The following ANXA7 variants were observed in gnomAD, a reference collection of about 807,000 sequenced individuals.
ANXA7 encodes annexin A7.
ANXA7 carries 55 observed loss-of-function variants against 64.9 expected under a neutral mutation model. That is an observed-to-expected ratio of 0.85 (90% CI 0.68 to 1.06). The LOEUF is 1.06. Among genes scored for constraint, ANXA7 ranks in the 50% least tolerant of loss-of-function variants. The pLI is 0.00. For synonymous variants in ANXA7, 200 were observed against 192.4 expected (o/e 1.04, Z -0.33); for missense variants, 548 against 582.1 (o/e 0.94, Z 0.60).
At chr10:73,383,927 C>G (rs550013204) in intron 7 of ANXA7, among the ~76,000 whole-genome samples, 3 of 152,194 alleles carry the variant, frequency 2.0e-5, no homozygotes, top group African/African-American at 7.2e-5. Flanking sequence ...CAAGACCATC[C>G]TGGTTAACAC....
chr10:73,388,543 A>T (rs1206751960), intron 5 of ANXA7, 129 bp from the exon 6 acceptor site: 3 of 661,554 alleles, frequency 4.5e-6, no homozygotes, highest in Non-Finnish European at 7.9e-6. Flanking sequence ...CAAGGATATG[A>T]GCATTTTATT....
chr10:73,401,869 G>T (rs2055672786), intron 1 of ANXA7, among the ~76,000 whole-genome samples: 1 of 152,154 alleles, frequency 6.6e-6, no homozygotes, highest in Non-Finnish European at 1.5e-5. Flanking sequence ...GGACTTCCCA[G>T]CCTCCAGAAC....
chr10:73,376,017 T>C lies in ANXA7; in HGVS notation c.*78A>G, dbSNP rs1181838940. ...TCTTTCGGTTAGCTGATGTTTGATATTGCTGCATGCAGGTCATTGCTCTGA... is the reference window on the plus strand; with the variant it reads ...TCTTTCGGTTAGCTGATGTTTGATACTGCTGCATGCAGGTCATTGCTCTGA... On this transcript the variant is annotated 3_prime_UTR_variant, in exon 13 of 13. Coordinates refer to ENST00000372921, the MANE Select transcript of ANXA7 (RefSeq NM_001156.5). 38 of 1,240,316 alleles carry C rather than the reference T, an allele frequency of 3.1e-5. No homozygotes were observed. The highest frequency in any genetic ancestry group is 4.1e-5 in the Non-Finnish European group (38 of 925,086). 76.8% of individuals were successfully genotyped at this position (1,240,316 alleles called of 1,614,324 possible).
intron 1 of ANXA7, among the ~76,000 whole-genome samples, chr10:73,401,991 T>C (rs2055674259): frequency 1.3e-5 from 2 of 152,204 alleles, no homozygotes; most frequent in Non-Finnish European, 2.9e-5. Context: ...AATGGAAAAC[T>C]TCCAGTAGTT....
chr10:73,379,138 G>A (rs1342145633), intron 11 of ANXA7, 115 bp from the exon 12 acceptor site: 1 of 668,820 alleles, frequency 1.5e-6, no homozygotes, highest in African/African-American at 1.9e-5. Context: ...AATCATCACA[G>A]AAACATGGGG....
At chr10:73,405,323 A>G (rs1458900935) in intron 1 of ANXA7, among the ~76,000 whole-genome samples, 1 of 151,184 alleles carries the variant, frequency 6.6e-6, no homozygotes, top group African/African-American at 2.4e-5. Flanking sequence ...GGGCGGATCA[A>G]CTGAGGTCAG....
At chr10:73,389,339 A>G (rs2055430098) in intron 5 of ANXA7, among the ~76,000 whole-genome samples, 1 of 152,254 alleles carries the variant, frequency 6.6e-6, no homozygotes, top group Admixed American at 6.5e-5. Context: ...ACATGACAAT[A>G]AATACAACAT....
At chr10:73,405,939 G>A (rs898676460) in intron 1 of ANXA7, among the ~76,000 whole-genome samples, 3 of 151,576 alleles carry the variant, frequency 2.0e-5, no homozygotes, top group Non-Finnish European at 4.4e-5. Context: ...AGTATAGTAA[G>A]AAACCCAGTA....
intron 1 of ANXA7, among the ~76,000 whole-genome samples, chr10:73,409,521 A>G (rs923384576): frequency 1.3e-5 from 2 of 152,210 alleles, no homozygotes; most frequent in African/African-American, 4.8e-5. Context: ...GAAATCACAG[A>G]TGACATAAAT....
At chr10:73,390,762 T>G (rs925491513) in intron 5 of ANXA7, among the ~76,000 whole-genome samples, 4 of 148,456 alleles carry the variant, frequency 2.7e-5, no homozygotes, top group African/African-American at 9.9e-5. Flanking sequence ...ATATATTGAT[T>G]TCATATTTCA....
At chr10:73,408,528 T>C (rs2055792970) in intron 1 of ANXA7, 1 of 152,180 alleles carries the variant, frequency 6.6e-6, no homozygotes, top group Non-Finnish European at 1.5e-5. Flanking sequence ...ACAAGACCTA[T>C]ATCTAAATTC....
At chr10:73,406,948 G>C (rs1045884142) in intron 1 of ANXA7, among the ~76,000 whole-genome samples, 36 of 152,066 alleles carry the variant, frequency 2.4e-4, no homozygotes, top group Non-Finnish European at 3.5e-4. Context: ...ACCATTCCCA[G>C]CATTCCTTTG....
intron 1 of ANXA7, among the ~76,000 whole-genome samples, chr10:73,402,416 G>C (rs1052923315): frequency 6.6e-6 from 1 of 151,832 alleles, no homozygotes. Flanking sequence ...TGCCCAGGCT[G>C]GTCTTGAACT....
At chr10:73,397,076 A>T in intron 4 of ANXA7, 88 bp downstream of exon 4, 1 of 533,330 alleles carries the variant, frequency 1.9e-6, no homozygotes, top group Non-Finnish European at 3.2e-6. Context: ...ATTGCAGATT[A>T]TCTCAAATAT....
chr10:73,393,045 C>T lies in ANXA7; in HGVS notation c.435+3474G>A, dbSNP rs555165479. ...CAATGTGCAAAAATCACAAGCATTCCTATACACCAATAACAGACAAACAGA... is the reference window on the plus strand; with the variant it reads ...CAATGTGCAAAAATCACAAGCATTCTTATACACCAATAACAGACAAACAGA... On this transcript the variant is annotated intron_variant, in intron 5 of 12. Coordinates refer to ENST00000372921, the MANE Select transcript of ANXA7 (RefSeq NM_001156.5). Among the ~76,000 whole-genome samples the T allele has an allele frequency of 1.7e-3, 260 of 151,872 alleles. 1 individual carries two copies. Among genetic ancestry groups the T allele is most frequent in the African/African-American group, 5.8e-3 (242 of 41,416 alleles).
At position 73,377,930 on chromosome 10, in the gene ANXA7, T is replaced by C. The variant is rs141041796; in HGVS notation, c.1278+981A>G. Among the ~76,000 whole-genome samples the C allele has an allele frequency of 4.9e-3, 692 of 142,528 alleles. 8 individuals carry two copies. The highest frequency in any genetic ancestry group is 0.011 in the Middle Eastern group (3 of 274). 93.5% of individuals were successfully genotyped at this position (142,528 alleles called of 152,430 possible). On this transcript the variant is annotated intron_variant, in intron 12 of 12. Coordinates refer to ENST00000372921, the MANE Select transcript of ANXA7 (RefSeq NM_001156.5). ...GTGTGTGTGTGTGTGTGTGTGTGTG[T>C]GCGCGCGCGTGTGTTTTTTGTAGAA... is the stretch of plus-strand genomic sequence containing the variant.
chr10:73,407,021 T>C (rs1171178998), intron 1 of ANXA7, among the ~76,000 whole-genome samples: 1 of 152,182 alleles, frequency 6.6e-6, no homozygotes, highest in Non-Finnish European at 1.5e-5. Context: ...ACCCCTCCTA[T>C]CTAGCTCAAG....
chr10:73,406,555 G>A (rs1195616688), intron 1 of ANXA7, among the ~76,000 whole-genome samples: 3 of 152,026 alleles, frequency 2.0e-5, no homozygotes, highest in Non-Finnish European at 4.4e-5. Context: ...CCTTAGTACT[G>A]GCTCCAATTA....
intron 7 of ANXA7, among the ~76,000 whole-genome samples, chr10:73,386,997 C>T (rs190711274): frequency 6.6e-5 from 10 of 152,108 alleles, no homozygotes; most frequent in Admixed American, 4.6e-4. Flanking sequence ...ACATAGGACA[C>T]GTTTAGAGAA....
Sources: allele counts gnomAD v4.1 joint callset (sites outside exome capture counted in the v4.1 genomes callset), GRCh38; gene constraint gnomAD v4.1.1; transcripts MANE v1.5; gene names NCBI Gene and HGNC (gene_info 2026-07-23, HGNC 2026-07-21).